ARID1A: variants seen among roughly 807,000 people sequenced by gnomAD.
ARID1A encodes AT-rich interaction domain 1A, also known as AT-rich interactive domain-containing protein 1A.
A neutral mutation model predicts 212.6 loss-of-function variants in ARID1A; 20 were observed. The ratio of observed to expected loss-of-function variants is 0.09; its 90% confidence interval spans 0.07 to 0.14. ARID1A has a LOEUF of 0.14. ARID1A is among the 10% of genes least tolerant of loss of function. The pLI, the probability that ARID1A is intolerant of heterozygous loss-of-function variation, is 1.00. For synonymous variants in ARID1A, 1,376 were observed against 1,222.1 expected, an observed-to-expected ratio of 1.13 and a Z score of -2.63; for missense variants, 2,587 against 3,059.0, an observed-to-expected ratio of 0.85 and a Z score of 3.64.
chr1:26,750,827 C>T (rs2080877731), intron 4 of ARID1A, among the ~76,000 whole-genome samples: 1 of 151,926 alleles, frequency 6.6e-6, no homozygotes, highest in Non-Finnish European at 1.5e-5. Context: ...ACATTAAGTA[C>T]CCTACAGAAA....
In ARID1A at chr1:26,732,693, A is replaced by G. The variant is rs1021663461; in HGVS notation, c.1821A>G (p.Ser607=). 1 of 1,613,578 alleles carries G rather than the reference A, an allele frequency of 6.2e-7. No individual in the cohort carries two copies. The highest frequency in any genetic ancestry group is 1.3e-5 in the African/African-American group (1 of 74,892). Residue 607 remains serine, a synonymous_variant, in exon 4 of 20, where the codon TCA becomes TCG. Transcript: ENST00000324856. ...TGTTGTAGGAGCTATCTCAAGATTC[A>G]TTTGGGTCTCAGGCATCCTCAGCCC... ...FPPPQELSQD[S]FGSQASSAPS... is the part of the protein sequence containing the mutation.
At chr1:26,754,352 C>G (rs936087570) in intron 4 of ARID1A, among the ~76,000 whole-genome samples, 1 of 152,204 alleles carries the variant, frequency 6.6e-6, no homozygotes, top group African/African-American at 2.4e-5. Flanking sequence ...TTACCACTCC[C>G]TCCCATTTCC....
Position 26,774,185 on chromosome 1 carries a change from C to T in ARID1A, c.4102-144C>T. On this transcript the variant is annotated intron_variant, in intron 17 of 19. Transcript: ENST00000324856. The surrounding 1 kb of genome is among the most constrained non-coding windows in gnomAD (Gnocchi z 5.6). ...TGGTGGTTGCTTTTGGAAACAACTT[C>T]AAAAGACAATTTGTTAAGGTGATTC... The T allele has an allele frequency of 7.0e-7, 1 of 1,426,188 alleles. No homozygotes were observed. The highest frequency in any genetic ancestry group is 1.5e-5 in the South Asian group (1 of 64,596). The allele number at this position is 1,426,188 out of a possible 1,614,324, so 88.3% of individuals were successfully genotyped here. A position where few individuals can be genotyped will look rare whatever the true frequency, so the allele number is the denominator to read the frequency against.
intron 1 of ARID1A, among the ~76,000 whole-genome samples, chr1:26,701,002 T>C (rs576819336): frequency 6.6e-6 from 1 of 152,314 alleles, no homozygotes; most frequent in African/African-American, 2.4e-5. Flanking sequence ...CCTTTCTTTG[T>C]GTGTGACATG....
At chr1:26,748,372 C>T (rs986278512) in intron 4 of ARID1A, among the ~76,000 whole-genome samples, 1 of 152,116 alleles carries the variant, frequency 6.6e-6, no homozygotes, top group Non-Finnish European at 1.5e-5. Context: ...CCCTTTCCTG[C>T]CCTCTTTACT....
chr1:26,705,960 T>C (rs764579276), intron 1 of ARID1A, among the ~76,000 whole-genome samples: 1 of 152,188 alleles, frequency 6.6e-6, no homozygotes, highest in Non-Finnish European at 1.5e-5. Context: ...ATTTGATCCC[T>C]AAAATGTTGA....
At chr1:26,734,018 G>T (rs1202367305) in intron 4 of ARID1A, among the ~76,000 whole-genome samples, 1 of 152,206 alleles carries the variant, frequency 6.6e-6, no homozygotes, top group South Asian at 2.1e-4. Flanking sequence ...ATGCAGATAG[G>T]ACGTCTGAGA....
chr1:26,731,292 A>G lies in ARID1A; in HGVS notation c.1491A>G (p.Gln497=), dbSNP rs1344193081. Residue 497 remains glutamine, a synonymous_variant, in exon 3 of 20, where the codon CAA becomes CAG. Transcript: ENST00000324856. ...CACCGTCCCAGACCCCTCATGCCCA[A>G]CCTTCGTATCAGCAGCAGCCACAGT... ...QQPPSQTPHA[Q]PSYQQQPQSQ... The G allele has an allele frequency of 9.3e-6, 15 of 1,613,258 alleles. No homozygotes were observed. The highest frequency in any genetic ancestry group is 4.0e-5 in the African/African-American group (3 of 74,700).
Position 26,771,050 on chromosome 1 carries a change from G to A in ARID1A, c.3199-69G>A. 1 of 1,414,210 alleles carries A rather than the reference G, an allele frequency of 7.1e-7. No homozygotes were observed. The highest frequency in any genetic ancestry group is 1.0e-6 in the Non-Finnish European group (1 of 1,000,686). The allele number at this position is 1,414,210 out of a possible 1,614,324, so 87.6% of individuals were successfully genotyped here. Reference sequence around the variant, plus strand: ...AGATGAATACCTTACAGCCTGATGGGGCTTGGGGCTTATGGGCAGGAAAAC... The same window carrying A: ...AGATGAATACCTTACAGCCTGATGGAGCTTGGGGCTTATGGGCAGGAAAAC... On this transcript the variant is annotated intron_variant, in intron 11 of 19. Coordinates refer to ENST00000324856, the MANE Select transcript of ARID1A (RefSeq NM_006015.6). This position sits in a 1 kb window ranked among gnomAD's most constrained non-coding sequence, Gnocchi z 5.4.
rs2124055688 is a variant in ARID1A at position 26,761,000 on chromosome 1, C to T, written c.2065C>T (p.Leu689=). ...TTTCTCTCCTCATACCTCCCCTCAC[C>T]TGCCTGGCATCCGAGGCCCTTCCCC... ...SPFSPHTSPH[L]PGIRGPSPSP... Residue 689 remains leucine (L), a synonymous_variant, in exon 5 of 20, where the codon CTG becomes TTG. Coordinates refer to ENST00000324856, the MANE Select transcript of ARID1A (RefSeq NM_006015.6). 7 of 1,614,104 alleles carry T rather than the reference C, an allele frequency of 4.3e-6. No homozygotes were observed. The highest frequency in any genetic ancestry group is 5.9e-6 in the Non-Finnish European group (7 of 1,180,034).
chr1:26,761,408 C>T lies in ARID1A; in HGVS notation c.2186C>T (p.Pro729Leu), dbSNP rs2080990909. 1 of 1,614,206 alleles carries T rather than the reference C, an allele frequency of 6.2e-7. No individual in the cohort carries two copies. Among genetic ancestry groups the T allele is most frequent in the Non-Finnish European group, 8.5e-7 (1 of 1,180,038 alleles). Residue 729 changes from proline (P) to leucine (L), a missense_variant, in exon 6 of 20, where the codon CCC becomes CTC. This residue lies in a region of ARID1A where 674 missense variants were observed against 813.4 expected (regional missense o/e 0.83). Transcript: ENST00000324856. The part of the protein sequence containing the change: ...VPGNQMPPRP[P>L]SGQSDSIMHP... ...GGCAACCAGATGCCACCTCGGCCAC[C>T]CAGTGGCCAGTCGGACAGCATCATG...
chr1:26,711,157 G>A (rs1003170489), intron 1 of ARID1A, among the ~76,000 whole-genome samples: 4 of 151,440 alleles, frequency 2.6e-5, no homozygotes, highest in Non-Finnish European at 5.9e-5. Flanking sequence ...CACCCAGGCT[G>A]GAGTGCAGTG....
At chr1:26,697,957 C>T (rs1570541888) in intron 1 of ARID1A, among the ~76,000 whole-genome samples, 1 of 152,156 alleles carries the variant, frequency 6.6e-6, no homozygotes. Flanking sequence ...CCTCTCCGTC[C>T]CCCGGCCTTC....
At position 26,774,896 on chromosome 1, in the gene ARID1A, C is replaced by T. The variant is rs778655919; in HGVS notation, c.4669C>T (p.Pro1557Ser). Residue 1557 changes from proline (P) to serine (S), a missense_variant, in exon 18 of 20, where the codon CCC becomes TCC. Pro to Ser is a moderately conservative substitution (Grantham distance 74, BLOSUM62 -1). This residue lies in a region of ARID1A where 890 missense variants were observed against 1,098.2 expected (regional missense o/e 0.81). Transcript: ENST00000324856. This position sits in a 1 kb window ranked among gnomAD's most constrained non-coding sequence, Gnocchi z 5.6. The part of the protein sequence containing the change: ...SHGTRQPPYG[P>S]SAPVPPMTRP... Reference sequence around the variant, plus strand: ...TGGCACACGCCAGCCCCCATATGGTCCCTCTGCCCCTGTGCCCCCCATGAC... The same window carrying T: ...TGGCACACGCCAGCCCCCATATGGTTCCTCTGCCCCTGTGCCCCCCATGAC... The T allele has an allele frequency of 7.0e-7, 1 of 1,418,690 alleles. No homozygotes were observed. Among genetic ancestry groups the T allele is most frequent in the Non-Finnish European group, 9.5e-7 (1 of 1,050,230 alleles). 87.9% of individuals were successfully genotyped at this position (1,418,690 alleles called of 1,614,324 possible).
chr1:26,710,512 C>CACACACACAG, intron 1 of ARID1A, among the ~76,000 whole-genome samples: 1 of 150,990 alleles, frequency 6.6e-6, no homozygotes, highest in Non-Finnish European at 1.5e-5. Flanking sequence ...CACACACACA[C>CACACACACAG]ACACACACAC....
At chr1:26,703,624 G>A (rs1301475519) in intron 1 of ARID1A, among the ~76,000 whole-genome samples, 3 of 152,170 alleles carry the variant, frequency 2.0e-5, no homozygotes, top group African/African-American at 7.2e-5. Context: ...ACTTGGATTG[G>A]CACTGACATA....
intron 1 of ARID1A, among the ~76,000 whole-genome samples, chr1:26,708,048 C>T (rs187509776): frequency 5.2e-4 from 79 of 152,232 alleles, no homozygotes; most frequent in African/African-American, 1.8e-3. Flanking sequence ...GACATCGTGC[C>T]TAGAGCTCTG....
intron 1 of ARID1A, among the ~76,000 whole-genome samples, chr1:26,718,437 G>T (rs559251308): frequency 2.6e-5 from 4 of 152,106 alleles, no homozygotes; most frequent in Non-Finnish European, 5.9e-5. Context: ...TTATCTGTGC[G>T]GCGATATCTT....
Position 26,696,894 on chromosome 1 carries a change from C to T in ARID1A, c.491C>T (p.Ala164Val), listed in dbSNP as rs1047141362. The change falls in exon 1 of 20, where the codon GCC becomes GTC. Residue 164 changes from alanine (A) to valine (V), a missense_variant. Coordinates refer to ENST00000324856, the MANE Select transcript of ARID1A (RefSeq NM_006015.6). ...YGRSPSAVAA[A>V]AAAVFHQQHG... Reference sequence around the variant, plus strand: ...CGGAGCCCGTCTGCCGTCGCCGCCGCCGCGGCCGCCGTCTTCCACCAACAA... The same window carrying T: ...CGGAGCCCGTCTGCCGTCGCCGCCGTCGCGGCCGCCGTCTTCCACCAACAA... 5.1e-6 allele frequency: 7 copies of T among 1,372,476 alleles called. No individual in the cohort carries two copies. The African/African-American group carries it at 7.6e-5, about 15-fold the overall frequency. 85.0% of individuals were successfully genotyped at this position (1,372,476 alleles called of 1,614,324 possible).
Sources: allele counts gnomAD v4.1 joint callset (sites outside exome capture counted in the v4.1 genomes callset), GRCh38; gene constraint gnomAD v4.1.1; regional missense constraint gnomAD v4.1.1; non-coding constraint Gnocchi (gnomAD v3.1); transcripts MANE v1.5; gene names NCBI Gene and HGNC (gene_info 2026-07-23, HGNC 2026-07-21).